The following GREB1L variants were observed in gnomAD, a reference collection of about 807,000 sequenced individuals.
GREB1L encodes the protein GREB1-like protein.
Under a neutral mutation model 200.8 loss-of-function variants are expected in GREB1L, and 17 were observed. That is an observed-to-expected ratio of 0.08 (90% CI 0.06 to 0.13). The LOEUF (loss-of-function observed/expected upper bound fraction) is 0.13, where lower values mean the gene tolerates loss of function less well. GREB1L is among the 10% of genes least tolerant of loss of function. The pLI, the probability that GREB1L is intolerant of heterozygous loss-of-function variation, is 1.00. For synonymous variants in GREB1L, 789 were observed against 893.0 expected (o/e 0.88, Z 2.08); for missense variants, 1,657 against 2,367.7 (o/e 0.70, Z 6.23).
chr18:21,469,674 A>G (rs551432608), intron 15 of GREB1L, among the ~76,000 whole-genome samples: 1 of 152,338 alleles, frequency 6.6e-6, no homozygotes, highest in South Asian at 2.1e-4. Context: ...TAACCCATGA[A>G]TGCACACATA....
At chr18:21,245,613 A>G (rs898829896) in intron 1 of GREB1L, among the ~76,000 whole-genome samples, 2 of 152,192 alleles carry the variant, frequency 1.3e-5, no homozygotes, top group African/African-American at 4.8e-5. Context: ...TAATTTTATA[A>G]AAGTTTATGC....
intron 5 of GREB1L, among the ~76,000 whole-genome samples, chr18:21,399,568 T>C (rs1242570676): frequency 1.3e-5 from 2 of 152,130 alleles, no homozygotes; most frequent in East Asian, 3.8e-4. Context: ...CAACCTTTTT[T>C]TGGCGGGGAG....
intron 2 of GREB1L, among the ~76,000 whole-genome samples, chr18:21,381,111 G>T (rs1228720252): frequency 1.3e-5 from 2 of 151,944 alleles, no homozygotes; most frequent in African/African-American, 4.8e-5. Context: ...GTGCAGTGGC[G>T]GGCGCCTGTA....
At chr18:21,412,393 A>G (rs2031157084) in intron 7 of GREB1L, among the ~76,000 whole-genome samples, 1 of 152,184 alleles carries the variant, frequency 6.6e-6, no homozygotes. Flanking sequence ...AGCCTGGGCA[A>G]CAGAGTGACA....
chr18:21,452,969 T>C (rs2034596746), intron 14 of GREB1L, among the ~76,000 whole-genome samples: 1 of 152,268 alleles, frequency 6.6e-6, no homozygotes, highest in Non-Finnish European at 1.5e-5. Flanking sequence ...CAGTCAGCTC[T>C]GTTGTTAAAA....
chr18:21,449,448 G>GGTGT (rs779991879), intron 11 of GREB1L, 62 bp from the exon 12 acceptor site: 1 of 962,612 alleles, frequency 1.0e-6, no homozygotes, highest in African/African-American at 1.6e-5. Context: ...AAAGCATATG[G>GGTGT]GTGTGTGTGT....
chr18:21,383,642 C>T lies in GREB1L; in HGVS notation c.124C>T (p.Leu42=). ...VPRPIFSQLY[L]DPDQHPFSSA... is the part of the protein sequence containing the mutation. Reference sequence around the variant, plus strand: ...ACGGCCAATTTTTTCCCAGCTATACCTGGACCCTGACCAGCATCCTTTCTC... The same window carrying T: ...ACGGCCAATTTTTTCCCAGCTATACTTGGACCCTGACCAGCATCCTTTCTC... The change falls in exon 3 of 33, where the codon CTG becomes TTG. Residue 42 remains leucine (L), a synonymous_variant. Transcript: ENST00000424526. The T allele has an allele frequency of 1.9e-6, 3 of 1,551,438 alleles. No homozygotes were observed. The highest frequency in any genetic ancestry group is 2.6e-6 in the Non-Finnish European group (3 of 1,146,806).
At chr18:21,266,277 A>G (rs188612592) in intron 1 of GREB1L, among the ~76,000 whole-genome samples, 2 of 152,176 alleles carry the variant, frequency 1.3e-5, no homozygotes, top group African/African-American at 2.4e-5. Flanking sequence ...AATGATTAGG[A>G]TGGGGGAGAT....
At chr18:21,388,953 C>T (rs1459522231) in intron 4 of GREB1L, among the ~76,000 whole-genome samples, 1 of 152,078 alleles carries the variant, frequency 6.6e-6, no homozygotes, top group Non-Finnish European at 1.5e-5. Flanking sequence ...ATACTATCAA[C>T]ATGATTTAAC....
At chr18:21,396,663 C>T (rs2041079334) in intron 5 of GREB1L, among the ~76,000 whole-genome samples, 1 of 152,004 alleles carries the variant, frequency 6.6e-6, no homozygotes, top group African/African-American at 2.4e-5. Context: ...TTAGTTCACC[C>T]AAAATAACTA....
chr18:21,447,390 C>T (rs1172336105), intron 11 of GREB1L, among the ~76,000 whole-genome samples: 4 of 152,190 alleles, frequency 2.6e-5, no homozygotes, highest in Non-Finnish European at 4.4e-5. Context: ...TCTCTTACCT[C>T]ATTTAAACTT....
At chr18:21,516,526 T>G in intron 29 of GREB1L, 87 bp from the exon 30 acceptor site, 1 of 1,299,028 alleles carries the variant, frequency 7.7e-7, no homozygotes, top group Non-Finnish European at 1.1e-6. Flanking sequence ...GCTCCTAATA[T>G]CTTGCCACAC....
rs1433409986 is a variant in GREB1L at position 21,439,510 on chromosome 18, G to C, written c.833-11G>C. ...CTCTGTTCTGAGCACTCCTCTCCTT[G>C]TGTTCTACAGATGCTGCTAATGGAA... On this transcript the variant is annotated splice_polypyrimidine_tract_variant and intron_variant, in intron 7 of 32. Coordinates refer to ENST00000424526, the MANE Select transcript of GREB1L (RefSeq NM_001142966.3). 1.3e-6 allele frequency: 2 copies of C among 1,490,268 alleles called. No homozygotes were observed. Among genetic ancestry groups the C allele is most frequent in the African/African-American group, 2.8e-5 (2 of 71,838 alleles). 92.3% of individuals were successfully genotyped at this position (1,490,268 alleles called of 1,614,324 possible).
chr18:21,338,643 T>C (rs1194086435), intron 1 of GREB1L, among the ~76,000 whole-genome samples: 1 of 152,242 alleles, frequency 6.6e-6, no homozygotes, highest in African/African-American at 2.4e-5. Flanking sequence ...TCCACAGCTA[T>C]GATCACTTGT....
In GREB1L at chr18:21,481,708, C is replaced by T. The variant is rs571936106; in HGVS notation, c.2557-3912C>T. 3.3e-5 allele frequency among the ~76,000 whole-genome samples: 5 copies of T among 152,032 alleles called. No individual in the cohort carries two copies. The South Asian group carries it at 1.0e-3, about 32-fold the overall frequency. On this transcript the variant is annotated intron_variant, in intron 17 of 32. Coordinates refer to ENST00000424526, the MANE Select transcript of GREB1L (RefSeq NM_001142966.3). The stretch of plus-strand genomic sequence containing the variant: ...TTCTGTACTACAGATTTGTTTTGCT[C>T]AGTATGGAGCTTATATAAATGGAAA...
At chr18:21,404,586 C>T (rs1280731437) in intron 7 of GREB1L, among the ~76,000 whole-genome samples, 2 of 152,160 alleles carry the variant, frequency 1.3e-5, no homozygotes, top group Admixed American at 6.5e-5. Flanking sequence ...GATAAGCTAC[C>T]AGTCTGAGGC....
intron 5 of GREB1L, among the ~76,000 whole-genome samples, chr18:21,397,757 T>C (rs921907036): frequency 2.3e-4 from 35 of 152,142 alleles, no homozygotes; most frequent in Middle Eastern, 3.2e-3. Flanking sequence ...TGGTTTAATA[T>C]AGAAGTCTAA....
At chr18:21,304,684 A>G (rs2038671947) in intron 1 of GREB1L, among the ~76,000 whole-genome samples, 1 of 152,146 alleles carries the variant, frequency 6.6e-6, no homozygotes, top group Admixed American at 6.5e-5. Context: ...TTACTAGCAG[A>G]TTGAATGGAG....
intron 1 of GREB1L, among the ~76,000 whole-genome samples, chr18:21,249,577 G>A (rs758025648): frequency 6.6e-6 from 1 of 152,108 alleles, no homozygotes; most frequent in African/African-American, 2.4e-5. Flanking sequence ...ATATCTGGCC[G>A]GGTGTGGTGG....
Sources: gnomAD v4.1 joint callset for allele counts (sites outside exome capture counted in the v4.1 genomes callset) on GRCh38, gnomAD v4.1.1 for gene constraint, MANE v1.5 for transcripts, NCBI Gene and HGNC (gene_info 2026-07-23, HGNC 2026-07-21) for gene names.